The following MGAT5 variants were observed in gnomAD, a reference collection of about 807,000 sequenced individuals.
The protein encoded by MGAT5 is alpha-1,6-mannosylglycoprotein 6-beta-N-acetylglucosaminyltransferase A.
Under a neutral mutation model 94.3 loss-of-function variants are expected in MGAT5, and 30 were observed. The observed-to-expected ratio is 0.32, with a 90% CI of 0.24 to 0.43. The LOEUF (loss-of-function observed/expected upper bound fraction) is 0.43, where lower values mean the gene tolerates loss of function less well. Ranked by LOEUF, MGAT5 falls within the 20% of genes least tolerant of loss-of-function variation. MGAT5 has a pLI of 1.00. For synonymous variants in MGAT5, 310 were observed against 322.9 expected (o/e 0.96, Z 0.43); for missense variants, 691 against 905.5 (o/e 0.76, Z 3.04).
At chr2:134,293,794 C>G (rs1685514452) in intron 2 of MGAT5, among the ~76,000 whole-genome samples, 1 of 152,162 alleles carries the variant, frequency 6.6e-6, no homozygotes, top group Non-Finnish European at 1.5e-5. Flanking sequence ...TTGATAGCAG[C>G]CAAACCCCTT....
At position 134,222,000 on chromosome 2, in the gene MGAT5, G is replaced by A. The variant is rs190292187; in HGVS notation, c.-142-32262G>A. ...ATCTGGTCATTTGTCCAGGTCCCAC[G>A]GTGCTAGAAAGGCTTGTTCCTCTGA... On this transcript the variant is annotated intron_variant, in intron 1 of 16. Coordinates refer to the MGAT5 transcript ENST00000409645. Among the ~76,000 whole-genome samples, 12 of 151,826 alleles carry A rather than the reference G, an allele frequency of 7.9e-5. No individual in the cohort carries two copies. In the East Asian group the frequency reaches 9.7e-4, roughly 12 times the overall value.
At chr2:134,393,636 C>A (rs1438078243) in intron 10 of MGAT5, among the ~76,000 whole-genome samples, 2 of 152,074 alleles carry the variant, frequency 1.3e-5, no homozygotes, top group African/African-American at 4.8e-5. Context: ...CAGAGAGGTG[C>A]CTTTTATTAT....
chr2:134,305,075 T>A (rs1206910315), intron 2 of MGAT5, among the ~76,000 whole-genome samples: 83 of 148,106 alleles, frequency 5.6e-4, no homozygotes, highest in Non-Finnish European at 4.5e-5. Context: ...ATTCTGGCTT[T>A]CAGCTTCTTT....
chr2:134,135,554 T>C (rs771328657), intron 1 of MGAT5, among the ~76,000 whole-genome samples: 1 of 151,632 alleles, frequency 6.6e-6, no homozygotes, highest in Admixed American at 6.6e-5. Context: ...TAGCTGGGCA[T>C]AGTGGTACGT....
intron 11 of MGAT5, among the ~76,000 whole-genome samples, chr2:134,405,858 C>T (rs911669585): frequency 1.8e-4 from 28 of 152,186 alleles, no homozygotes; most frequent in Non-Finnish European, 4.1e-4. Flanking sequence ...GGGGTGCAGG[C>T]GTCATTAGTA....
chr2:134,178,364 C>G (rs1026882445), intron 1 of MGAT5, among the ~76,000 whole-genome samples: 3 of 152,134 alleles, frequency 2.0e-5, no homozygotes, highest in Admixed American at 2.0e-4. Flanking sequence ...ATGTCCACCC[C>G]CAGGACTGTG....
intron 1 of MGAT5, among the ~76,000 whole-genome samples, chr2:134,136,253 T>C (rs1000536529): frequency 2.0e-5 from 3 of 152,130 alleles, no homozygotes; most frequent in Non-Finnish European, 4.4e-5. Context: ...GCTGCAGGTA[T>C]TGCCATTTAC....
chr2:134,197,107 G>A (rs1471007251), intron 1 of MGAT5, among the ~76,000 whole-genome samples: 1 of 152,208 alleles, frequency 6.6e-6, no homozygotes, highest in Admixed American at 6.5e-5. Context: ...ATGGTATGGG[G>A]GGTGGTCAGG....
At chr2:134,195,256 C>T (rs1320051220) in intron 1 of MGAT5, among the ~76,000 whole-genome samples, 1 of 152,206 alleles carries the variant, frequency 6.6e-6, no homozygotes, top group Non-Finnish European at 1.5e-5. Context: ...CTGTGTTAGA[C>T]TTCAAACCTT....
intron 10 of MGAT5, among the ~76,000 whole-genome samples, chr2:134,398,774 A>T (rs1004033755): frequency 6.6e-6 from 1 of 152,230 alleles, no homozygotes; most frequent in Non-Finnish European, 1.5e-5. Flanking sequence ...GTTTGCAGCA[A>T]TATGGATGGA....
rs1684069293 is a variant in MGAT5, at chr2:134,272,185, T to TG, written c.406+1638dup. On this transcript the variant is annotated intron_variant, in intron 2 of 15. Transcript: ENST00000281923. ...CGTGGGTACACCTCTAAGAAGGAAA[T>TG]GGGAAGGACTTGGTGACTACTTTCA... Among the ~76,000 whole-genome samples, 5 of 152,070 alleles carry TG rather than the reference T, an allele frequency of 3.3e-5. No individual in the cohort carries two copies. In the South Asian group the frequency reaches 8.3e-4, roughly 25 times the overall value.
intron 1 of MGAT5, among the ~76,000 whole-genome samples, chr2:134,257,763 T>C (rs1247367165): frequency 2.0e-5 from 3 of 151,956 alleles, no homozygotes; most frequent in South Asian, 4.2e-4. Context: ...GTGCAGAGAC[T>C]GTAGGATTCT....
intron 12 of MGAT5, among the ~76,000 whole-genome samples, chr2:134,413,873 CAT>C (rs1304843810): frequency 6.6e-6 from 1 of 152,288 alleles, no homozygotes; most frequent in East Asian, 1.9e-4. Context: ...GTTTATAAAA[CAT>C]ATATTTTTCA....
At chr2:134,416,283 C>T (rs1029252817) in intron 12 of MGAT5, among the ~76,000 whole-genome samples, 8 of 152,292 alleles carry the variant, frequency 5.3e-5, no homozygotes, top group Middle Eastern at 3.4e-3. Context: ...TAAACACTAA[C>T]TCCCCATTCT....
At chr2:134,301,448 A>C (rs1355138284) in intron 2 of MGAT5, among the ~76,000 whole-genome samples, 1 of 152,018 alleles carries the variant, frequency 6.6e-6, no homozygotes, top group Non-Finnish European at 1.5e-5. Flanking sequence ...TCCCTCTTTC[A>C]TTCTTAATAT....
At chr2:134,257,050 G>C (rs565701117) in intron 1 of MGAT5, among the ~76,000 whole-genome samples, 37 of 152,224 alleles carry the variant, frequency 2.4e-4, no homozygotes, top group African/African-American at 8.4e-4. Context: ...CAGCATCTCA[G>C]GGGTCTCTAC....
chr2:134,364,891 T>A lies in MGAT5; in HGVS notation c.1380+2483T>A, dbSNP rs1363035109. On this transcript the variant is annotated intron_variant, in intron 10 of 15. Transcript: ENST00000281923. The stretch of plus-strand genomic sequence containing the variant: ...TGTGCGTCCTGGAGTATTTAGTGAA[T>A]GCACACAGAAAACCAATGTGCCTTT... Among the ~76,000 whole-genome samples the A allele has an allele frequency of 2.0e-5, 3 of 152,256 alleles. No individual in the cohort carries two copies. The East Asian group carries it at 5.8e-4, about 29-fold the overall frequency.
At chr2:134,288,490 C>T (rs1173115955) in intron 2 of MGAT5, among the ~76,000 whole-genome samples, 11 of 150,458 alleles carry the variant, frequency 7.3e-5, no homozygotes, top group Admixed American at 6.6e-4. Flanking sequence ...GACAGCAAAT[C>T]TAGAATATTT....
intron 1 of MGAT5, among the ~76,000 whole-genome samples, chr2:134,221,846 G>A (rs981238922): frequency 1.3e-5 from 2 of 152,052 alleles, no homozygotes; most frequent in Admixed American, 6.6e-5. Flanking sequence ...CTTTCAGACA[G>A]GAATTTGGGC....
Sources: allele counts gnomAD v4.1 joint callset (sites outside exome capture counted in the v4.1 genomes callset), GRCh38; gene constraint gnomAD v4.1.1; transcripts MANE v1.5; gene names NCBI Gene and HGNC (gene_info 2026-07-23, HGNC 2026-07-21).